EPB41L1: variants seen among roughly 807,000 people sequenced by gnomAD.
EPB41L1 encodes band 4.1-like protein 1.
In EPB41L1, 29 loss-of-function variants were observed where a neutral mutation model predicts 97.8. The observed-to-expected ratio is 0.30, with a 90% CI of 0.22 to 0.40. EPB41L1 has a LOEUF of 0.40. EPB41L1 is among the 10% of genes least tolerant of loss of function. The probability of loss-of-function intolerance (pLI) is 1.00; values close to 1 mark genes in which losing one functional copy is unlikely to be tolerated. For synonymous variants in EPB41L1, 383 were observed against 459.2 expected (o/e 0.83, Z 2.12); for missense variants, 812 against 1,162.3 (o/e 0.70, Z 4.38).
At position 36,192,573 on chromosome 20, in the gene EPB41L1, G is replaced by C. The variant is rs370874759; in HGVS notation, c.1301-1639G>C. On this transcript the variant is annotated intron_variant, in intron 11 of 21. Transcript: ENST00000338074. The stretch of plus-strand genomic sequence containing the variant: ...AAAAAAAGGTGGAAAGTGGGGACTT[G>C]GGTAGGGAAACCGTGGATACTCCCA... Among the ~76,000 whole-genome samples, 219 of 151,426 alleles carry C rather than the reference G, an allele frequency of 1.4e-3. 1 individual carries two copies. Among genetic ancestry groups the C allele is most frequent in the South Asian group, 7.1e-3 (34 of 4,774 alleles).
intron 5 of EPB41L1, 64 bp downstream of exon 5, chr20:36,178,736 C>T: frequency 6.6e-7 from 1 of 1,505,202 alleles, no homozygotes; most frequent in Non-Finnish European, 9.3e-7. Flanking sequence ...TGAGAGCCCC[C>T]CTTGTACTGC....
intron 17 of EPB41L1, among the ~76,000 whole-genome samples, chr20:36,216,162 C>T (rs2063429252): frequency 6.6e-6 from 1 of 152,138 alleles, no homozygotes; most frequent in African/African-American, 2.4e-5. Flanking sequence ...CTAGGGGCCA[C>T]CAGGAGGACA....
intron 2 of EPB41L1, among the ~76,000 whole-genome samples, chr20:36,134,710 G>T (rs938987591): frequency 1.3e-5 from 2 of 152,098 alleles, no homozygotes; most frequent in African/African-American, 4.8e-5. Context: ...AGCTCCTCAG[G>T]GGTCCAGGTC....
In EPB41L1 at chr20:36,198,052, C is replaced by T. The variant is rs2062301289; in HGVS notation, c.1668+11C>T. On this transcript the variant is annotated intron_variant, in intron 14 of 21. Transcript: ENST00000338074. ...GAGAAAGCCAATGAGGTAGGTGTCGCCCTGAACCCCTCGATAGGGGCCTTG... is the reference window on the plus strand; with the variant it reads ...GAGAAAGCCAATGAGGTAGGTGTCGTCCTGAACCCCTCGATAGGGGCCTTG... 1.2e-6 allele frequency: 2 copies of T among 1,612,528 alleles called. No individual in the cohort carries two copies. Among genetic ancestry groups the T allele is most frequent in the South Asian group, 1.1e-5 (1 of 91,032 alleles).
chr20:36,197,629 A>G (rs1569285655), intron 13 of EPB41L1: 1 of 985,126 alleles, frequency 1.0e-6, no homozygotes, highest in Non-Finnish European at 1.2e-6. Context: ...TTGACTAGAC[A>G]TCTCCTCTTT....
chr20:36,198,090 T>C (rs770523710), intron 14 of EPB41L1, 49 bp downstream of exon 14: 17 of 1,538,550 alleles, frequency 1.1e-5, no homozygotes, highest in Non-Finnish European at 1.5e-5. Context: ...TAAAGAGACA[T>C]TGGGTTGCTG....
chr20:36,155,878 G>A (rs139782784), intron 1 of EPB41L1: 12 of 258,212 alleles, frequency 4.6e-5, no homozygotes, highest in Non-Finnish European at 8.7e-5. Context: ...GGCTGTGCGG[G>A]GTCCAGCGGC....
rs1277894900 is a variant in EPB41L1 at position 36,139,709 on chromosome 20, TTAAG to T, written c.-10+27231_-10+27234del. Among the ~76,000 whole-genome samples, 9 of 152,236 alleles carry T rather than the reference TTAAG, an allele frequency of 5.9e-5. No individual in the cohort carries two copies. The East Asian group carries it at 1.7e-3, about 29-fold the overall frequency. ...CCATCTGTGCAGTAAAGGGATAGGA[TTAAG>T]TGCTTTCTTCTTATTATTATTTATT... On this transcript the variant is annotated intron_variant, in intron 2 of 19. Transcript: ENST00000202028.
At chr20:36,175,462 C>T in intron 2 of EPB41L1, 89 bp from the exon 3 acceptor site, 1 of 1,512,874 alleles carries the variant, frequency 6.6e-7, no homozygotes, top group Non-Finnish European at 9.2e-7. Flanking sequence ...CTGTCTTGGC[C>T]CCAGATGCCT....
intron 14 of EPB41L1, chr20:36,200,904 AC>A: frequency 2.2e-6 from 1 of 456,048 alleles, no homozygotes; most frequent in Non-Finnish European, 4.4e-6. Flanking sequence ...TCTCAGCGGG[AC>A]TTGGTACCTG....
At chr20:36,216,920 G>A (rs551459545) in intron 17 of EPB41L1, among the ~76,000 whole-genome samples, 2 of 152,284 alleles carry the variant, frequency 1.3e-5, no homozygotes, top group South Asian at 2.1e-4. Context: ...AGATGAGCTC[G>A]TGACACCGTT....
intron 1 of EPB41L1, among the ~76,000 whole-genome samples, chr20:36,111,774 G>A (rs1466163931): frequency 1.5e-5 from 2 of 133,756 alleles, no homozygotes; most frequent in East Asian, 2.1e-4. Context: ...GCGACAGAGC[G>A]AGACTCTGTC....
At chr20:36,104,136 G>C (rs1242805771) in intron 1 of EPB41L1, among the ~76,000 whole-genome samples, 3 of 152,224 alleles carry the variant, frequency 2.0e-5, no homozygotes, top group Admixed American at 2.0e-4. Flanking sequence ...GAGGCAGTAA[G>C]ACTCTAGTAC....
At chr20:36,221,457 C>G (rs2063774136) in intron 19 of EPB41L1, among the ~76,000 whole-genome samples, 1 of 152,214 alleles carries the variant, frequency 6.6e-6, no homozygotes, top group South Asian at 2.1e-4. Context: ...AATACAGACC[C>G]TGCCTTCAAG....
upstream of EPB41L1, chr20:36,152,765 G>C (rs576404659): frequency 2.9e-6 from 1 of 340,158 alleles, no homozygotes; most frequent in Non-Finnish European, 5.8e-6. Flanking sequence ...GTGTGGCAAA[G>C]TGACTTGCCC....
intron 2 of EPB41L1, among the ~76,000 whole-genome samples, chr20:36,122,324 G>A (rs2058778501): frequency 6.6e-6 from 1 of 152,236 alleles, no homozygotes; most frequent in Non-Finnish European, 1.5e-5. Flanking sequence ...ATGGGGACAG[G>A]AGGCCTGGTG....
intron 1 of EPB41L1, among the ~76,000 whole-genome samples, chr20:36,172,589 GTTTT>G (rs2061040283): frequency 6.6e-6 from 1 of 152,048 alleles, no homozygotes; most frequent in Non-Finnish European, 1.5e-5. Context: ...TGAGGTTACT[GTTTT>G]GTTTTTCTTT....
At chr20:36,161,791 C>T (rs947039108) in intron 1 of EPB41L1, among the ~76,000 whole-genome samples, 1 of 145,894 alleles carries the variant, frequency 6.9e-6, no homozygotes. Context: ...GACAGCCTGT[C>T]ACTCTGTCAC....
At position 36,135,618 on chromosome 20, in the gene EPB41L1, C is replaced by A. The variant is rs532565697; in HGVS notation, c.-10+23138C>A. Among the ~76,000 whole-genome samples, 5 of 152,336 alleles carry A rather than the reference C, an allele frequency of 3.3e-5. No individual in the cohort carries two copies. The East Asian group carries it at 9.6e-4, about 29-fold the overall frequency. On this transcript the variant is annotated intron_variant, in intron 2 of 19. Coordinates refer to the EPB41L1 transcript ENST00000202028. Reference sequence around the variant, plus strand: ...AGCCTGTGGGCTTTCACCTCTTGCCCCTGCCTCCTTCCTGCTTCCCTCTAC... The same window carrying A: ...AGCCTGTGGGCTTTCACCTCTTGCCACTGCCTCCTTCCTGCTTCCCTCTAC...
Sources: gnomAD v4.1 joint callset for allele counts (sites outside exome capture counted in the v4.1 genomes callset) on GRCh38, gnomAD v4.1.1 for gene constraint, MANE v1.5 for transcripts, NCBI Gene and HGNC (gene_info 2026-07-23, HGNC 2026-07-21) for gene names.